The following VSNL1 variants were observed in gnomAD, a reference collection of about 807,000 sequenced individuals.
VSNL1 encodes the protein visinin like 1.
In VSNL1, 6 loss-of-function variants were observed where a neutral mutation model predicts 20.4. The ratio of observed to expected loss-of-function variants is 0.29; its 90% confidence interval spans 0.16 to 0.58. The LOEUF is 0.58. Among genes scored for constraint, VSNL1 ranks in the 20% least tolerant of loss-of-function variants. The pLI, the probability that VSNL1 is intolerant of heterozygous loss-of-function variation, is 0.90. For synonymous variants in VSNL1, 93 were observed against 86.4 expected (o/e 1.08, Z -0.42); for missense variants, 100 against 234.5 (o/e 0.43, Z 3.75).
chr2:17,575,152 C>T (rs899787595), intron 1 of VSNL1, among the ~76,000 whole-genome samples: 5 of 152,018 alleles, frequency 3.3e-5, no homozygotes, highest in African/African-American at 1.2e-4. Flanking sequence ...TAGGAGATGG[C>T]CAAGAGCTGA....
intron 1 of VSNL1, among the ~76,000 whole-genome samples, chr2:17,587,348 A>AACACACACACACAC (rs67537461): frequency 1.9e-4 from 26 of 134,574 alleles, no homozygotes; most frequent in African/African-American, 6.6e-4. Context: ...GGCTGAGGGC[A>AACACACACACACAC]ACACACACAC....
In VSNL1 at chr2:17,634,874, G is replaced by C. The variant is rs538074125; in HGVS notation, c.163-14536G>C. Among the ~76,000 whole-genome samples the C allele has an allele frequency of 1.7e-3, 264 of 152,232 alleles. 4 individuals are homozygous for C. In the South Asian group the frequency reaches 0.054, roughly 31 times the overall value. ...CTTGTCCCATGGGTCCCGCTGCAGG[G>C]AGTTACTGCTCCTGCTTGGTTCTGA... On this transcript the variant is annotated intron_variant, in intron 2 of 3. Transcript: ENST00000295156. The surrounding 1 kb of genome is among the most constrained non-coding windows in gnomAD (Gnocchi z 4.3).
intron 1 of VSNL1, among the ~76,000 whole-genome samples, chr2:17,564,809 T>A (rs968458016): frequency 1.3e-5 from 2 of 152,160 alleles, no homozygotes; most frequent in African/African-American, 2.4e-5. Flanking sequence ...AACAAATAGT[T>A]GCAATGAACA....
In VSNL1 at chr2:17,557,068, T is replaced by C. The variant is rs763971459; in HGVS notation, c.-6+16150T>C. Among the ~76,000 whole-genome samples the C allele has an allele frequency of 1.3e-4, 20 of 152,230 alleles. No individual in the cohort carries two copies. The East Asian group carries it at 1.5e-3, about 12-fold the overall frequency. ...GTTTGTAAACAATCATTAGCACATA[T>C]CATCTCTTTGCCAAGGACTCTGCCA... On this transcript the variant is annotated intron_variant, in intron 1 of 3. Coordinates refer to ENST00000295156, the MANE Select transcript of VSNL1 (RefSeq NM_003385.5).
intron 3 of VSNL1, among the ~76,000 whole-genome samples, chr2:17,650,032 G>A (rs1666091118): frequency 6.6e-6 from 1 of 152,182 alleles, no homozygotes; most frequent in Non-Finnish European, 1.5e-5. Context: ...TCCACAGCAA[G>A]CAGGCTTTGC....
chr2:17,566,639 T>C (rs1663951060), intron 1 of VSNL1, among the ~76,000 whole-genome samples: 1 of 152,184 alleles, frequency 6.6e-6, no homozygotes, highest in South Asian at 2.1e-4. Context: ...ATTGCAGATA[T>C]TATCTCTTTG....
intron 1 of VSNL1, among the ~76,000 whole-genome samples, chr2:17,562,132 A>T (rs1663830188): frequency 6.6e-6 from 1 of 152,214 alleles, no homozygotes; most frequent in African/African-American, 2.4e-5. Flanking sequence ...AGTAATGCCA[A>T]CAACTTTTTC....
intron 1 of VSNL1, among the ~76,000 whole-genome samples, chr2:17,578,476 T>C (rs991438199): frequency 5.3e-5 from 8 of 152,244 alleles, no homozygotes; most frequent in Non-Finnish European, 1.0e-4. Flanking sequence ...GATTAGCTGA[T>C]GTGGAAACAT....
At chr2:17,581,138 T>G (rs755557525) in intron 1 of VSNL1, among the ~76,000 whole-genome samples, 2 of 152,244 alleles carry the variant, frequency 1.3e-5, no homozygotes, top group Non-Finnish European at 2.9e-5. Flanking sequence ...TCATTTTTAT[T>G]CCTAAAGTGC....
At chr2:17,653,970 A>G (rs1666173058) in intron 3 of VSNL1, among the ~76,000 whole-genome samples, 1 of 152,252 alleles carries the variant, frequency 6.6e-6, no homozygotes, top group African/African-American at 2.4e-5. Context: ...CACAAATGGA[A>G]TCACATAACA....
intron 1 of VSNL1, among the ~76,000 whole-genome samples, chr2:17,583,178 C>A (rs2103367200): frequency 6.6e-6 from 1 of 152,260 alleles, no homozygotes; most frequent in East Asian, 1.9e-4. Flanking sequence ...CTGGTACATG[C>A]CACTCACCCC....
intron 2 of VSNL1, among the ~76,000 whole-genome samples, chr2:17,594,300 C>G (rs989774270): frequency 5.3e-5 from 8 of 152,036 alleles, no homozygotes; most frequent in East Asian, 1.9e-4. Flanking sequence ...TTTTGGCAAA[C>G]TCTTATTCCA....
intron 1 of VSNL1, among the ~76,000 whole-genome samples, chr2:17,563,616 G>T (rs1282646855): frequency 6.6e-6 from 1 of 152,120 alleles, no homozygotes; most frequent in Non-Finnish European, 1.5e-5. Flanking sequence ...TGTAGTCCCA[G>T]CTATTTGGGA....
intron 1 of VSNL1, among the ~76,000 whole-genome samples, chr2:17,557,526 G>A (rs1440269005): frequency 6.6e-6 from 1 of 152,162 alleles, no homozygotes; most frequent in Non-Finnish European, 1.5e-5. Context: ...GTGTAACAAG[G>A]AGACCTATAT....
At chr2:17,606,584 A>G (rs946583184) in intron 2 of VSNL1, among the ~76,000 whole-genome samples, 2 of 152,152 alleles carry the variant, frequency 1.3e-5, no homozygotes, top group African/African-American at 4.8e-5. Context: ...GGAGAAGCCC[A>G]CCATGAGGAA....
chr2:17,584,755 G>C (rs1472704937), intron 1 of VSNL1, among the ~76,000 whole-genome samples: 3 of 152,176 alleles, frequency 2.0e-5, no homozygotes, highest in South Asian at 4.1e-4. Flanking sequence ...GCCTGTCTCA[G>C]TACCCAAGGA....
intron 2 of VSNL1, among the ~76,000 whole-genome samples, chr2:17,607,802 G>C (rs1664983323): frequency 6.6e-6 from 1 of 152,226 alleles, no homozygotes; most frequent in African/African-American, 2.4e-5. Context: ...AAACTCAGTT[G>C]AAAGAATAAG....
chr2:17,654,897 G>C (rs1666193246), intron 3 of VSNL1, among the ~76,000 whole-genome samples: 1 of 152,180 alleles, frequency 6.6e-6, no homozygotes, highest in Non-Finnish European at 1.5e-5. Flanking sequence ...GACCTGTGAT[G>C]TGCCAGGCAT....
At chr2:17,622,580 GAAAGAAAGAAAGAAAGAAAGAAAA>G (rs1665402762) in intron 2 of VSNL1, among the ~76,000 whole-genome samples, 5 of 120,922 alleles carry the variant, frequency 4.1e-5, no homozygotes, top group Admixed American at 3.2e-4. Flanking sequence ...AAGAAAGAAA[GAAAGAAAGAAAGAAAGAAAGAAAA>G]GAAAGAAAGA....
Sources: gnomAD v4.1 joint callset for allele counts (sites outside exome capture counted in the v4.1 genomes callset) on GRCh38, gnomAD v4.1.1 for gene constraint, Gnocchi (gnomAD v3.1) non-coding constraint, MANE v1.5 for transcripts, NCBI Gene and HGNC (gene_info 2026-07-23, HGNC 2026-07-21) for gene names.